The following SNX27 variants were observed in gnomAD, a reference collection of about 807,000 sequenced individuals.
The protein encoded by SNX27 is sorting nexin 27, also known as sorting nexin-27.
SNX27 carries 22 observed loss-of-function variants against 71.6 expected under a neutral mutation model. The observed-to-expected ratio is 0.31, with a 90% CI of 0.22 to 0.44. SNX27 has a LOEUF of 0.44. SNX27 is among the 20% of genes least tolerant of loss of function. The pLI is 1.00. For synonymous variants in SNX27, 269 were observed against 277.2 expected, an observed-to-expected ratio of 0.97 and a Z score of 0.29; for missense variants, 531 against 698.6, an observed-to-expected ratio of 0.76 and a Z score of 2.70.
At chr1:151,641,598 GATATATATATATATATAT>G (rs56886589) in intron 2 of SNX27, among the ~76,000 whole-genome samples, 21 of 79,014 alleles carry the variant, frequency 2.7e-4, no homozygotes, top group African/African-American at 5.8e-4. Flanking sequence ...TCCTTTATCA[GATATATATATATATATAT>G]ATATATATAT....
At chr1:151,688,656 G>GT (rs1373051407) in intron 8 of SNX27, among the ~76,000 whole-genome samples, 1 of 150,156 alleles carries the variant, frequency 6.7e-6, no homozygotes, top group African/African-American at 2.5e-5. Context: ...AAATTCACCT[G>GT]TTTTTACGAA....
At chr1:151,624,676 C>G (rs533530329) in intron 1 of SNX27, among the ~76,000 whole-genome samples, 1 of 151,866 alleles carries the variant, frequency 6.6e-6, no homozygotes, top group South Asian at 2.1e-4. Flanking sequence ...AGGTGATACA[C>G]CTACCTCGGC....
At chr1:151,669,564 A>G (rs1296099395) in intron 7 of SNX27, among the ~76,000 whole-genome samples, 3 of 152,044 alleles carry the variant, frequency 2.0e-5, no homozygotes, top group African/African-American at 4.8e-5. Context: ...CTCTTCCTCT[A>G]TCCCCGTGTG....
intron 7 of SNX27, chr1:151,679,986 G>T (rs1439805114): frequency 6.6e-6 from 1 of 152,048 alleles, no homozygotes; most frequent in Non-Finnish European, 1.5e-5. Context: ...GTGGAATGAC[G>T]CTCTGGGATC....
intron 2 of SNX27, among the ~76,000 whole-genome samples, chr1:151,642,159 G>A (rs868669532): frequency 6.6e-6 from 1 of 151,618 alleles, no homozygotes; most frequent in South Asian, 2.1e-4. Flanking sequence ...ACCTGAGGTC[G>A]GTGGATCACT....
At chr1:151,668,158 C>T (rs1403986998) in intron 6 of SNX27, among the ~76,000 whole-genome samples, 1 of 151,956 alleles carries the variant, frequency 6.6e-6, no homozygotes, top group Non-Finnish European at 1.5e-5. Flanking sequence ...ACATTAGGCC[C>T]CACCTCTAAC....
At position 151,696,719 on chromosome 1, in the gene SNX27, G is replaced by C. The variant is rs1395823255; in HGVS notation, c.*2302G>C. 7.1e-6 allele frequency: 1 copy of C among 140,928 alleles called. No homozygotes were observed. The highest frequency in any genetic ancestry group is 1.5e-5 in the Non-Finnish European group (1 of 66,970). The allele number at this position is 140,928 out of a possible 1,614,324, so 8.7% of individuals were successfully genotyped here. On this transcript the variant is annotated 3_prime_UTR_variant, in exon 12 of 12. Coordinates refer to ENST00000458013, the MANE Select transcript of SNX27 (RefSeq NM_001330723.2). ...GGTTGGAGTGCAGTGGCACGATCTC[G>C]GCTCACTGCACCCTCTGCCTCTTGG...
chr1:151,653,173 G>A (rs780458312), intron 2 of SNX27, among the ~76,000 whole-genome samples: 1 of 152,048 alleles, frequency 6.6e-6, no homozygotes, highest in African/African-American at 2.4e-5. Context: ...GTGATCACCC[G>A]CCTTGGCCTC....
intron 2 of SNX27, among the ~76,000 whole-genome samples, chr1:151,644,640 G>C (rs1164320597): frequency 6.6e-6 from 1 of 152,116 alleles, no homozygotes; most frequent in Non-Finnish European, 1.5e-5. Flanking sequence ...ACCTAGGAAT[G>C]GAACTGCTGG....
intron 7 of SNX27, among the ~76,000 whole-genome samples, chr1:151,671,143 G>A (rs1192269524): frequency 1.3e-5 from 2 of 151,684 alleles, no homozygotes; most frequent in African/African-American, 4.8e-5. Context: ...ATCGGTCTGT[G>A]TGTCTGTTTT....
At chr1:151,639,267 ACT>A in intron 2 of SNX27, 148 bp downstream of exon 2, 1 of 647,386 alleles carries the variant, frequency 1.5e-6, no homozygotes, top group East Asian at 2.8e-5. Flanking sequence ...AATAAAAGAC[ACT>A]GACCCTGATT....
intron 8 of SNX27, among the ~76,000 whole-genome samples, chr1:151,688,199 A>G (rs1205745691): frequency 6.6e-6 from 1 of 152,182 alleles, no homozygotes. Flanking sequence ...TCTCACTGGG[A>G]GACAGGGTGG....
chr1:151,634,411 T>C (rs909276014), intron 1 of SNX27, among the ~76,000 whole-genome samples: 2 of 152,208 alleles, frequency 1.3e-5, no homozygotes, highest in Non-Finnish European at 1.5e-5. Context: ...CTAGTTTTCA[T>C]TGTATATAGC....
chr1:151,690,712 G>A (rs1671400446), intron 8 of SNX27, among the ~76,000 whole-genome samples: 1 of 151,952 alleles, frequency 6.6e-6, no homozygotes, highest in Non-Finnish European at 1.5e-5. Flanking sequence ...CTCCCAAAGT[G>A]TTGGGATTAC....
At chr1:151,649,377 G>A (rs1331876951) in intron 2 of SNX27, among the ~76,000 whole-genome samples, 2 of 152,134 alleles carry the variant, frequency 1.3e-5, no homozygotes, top group East Asian at 3.9e-4. Flanking sequence ...GAGGCCAGGA[G>A]CTTGAGATCA....
At chr1:151,690,451 C>A (rs1671385550) in intron 8 of SNX27, among the ~76,000 whole-genome samples, 1 of 151,570 alleles carries the variant, frequency 6.6e-6, no homozygotes, top group African/African-American at 2.4e-5. Context: ...ATTTTTATTT[C>A]TTGTTTTGAG....
chr1:151,634,773 A>G (rs1485568265), intron 1 of SNX27, among the ~76,000 whole-genome samples: 1 of 152,186 alleles, frequency 6.6e-6, no homozygotes, highest in Non-Finnish European at 1.5e-5. Context: ...AAAGTTTCAA[A>G]CCTACAGAAA....
chr1:151,683,381 A>C lies in SNX27; in HGVS notation c.1175A>C (p.Tyr392Ser). Residue 392 changes from tyrosine to serine, a missense_variant, in exon 8 of 12, where the codon TAC becomes TCC. Physicochemically the swap from Tyr to Ser is moderately radical, Grantham distance 144. Around this residue, in one of 5 missense-constraint regions of SNX27, gnomAD observed 184 missense variants for 289.6 expected, o/e 0.64. Coordinates refer to ENST00000458013, the MANE Select transcript of SNX27 (RefSeq NM_001330723.2). ...GCAGTCGATGATGTGAAGAAAGGTTACATCAAAGCAGAAGAAAAGTCCTAT... is the reference window on the plus strand; with the variant it reads ...GCAGTCGATGATGTGAAGAAAGGTTCCATCAAAGCAGAAGAAAAGTCCTAT... Reference protein sequence around the residue: ...HQAVDDVKKGYIKAEEKSYQL... With the variant: ...HQAVDDVKKGSIKAEEKSYQL... The C allele has an allele frequency of 6.2e-7, 1 of 1,613,450 alleles. No individual in the cohort carries two copies. The highest frequency in any genetic ancestry group is 1.1e-5 in the South Asian group (1 of 90,900).
In SNX27 at chr1:151,640,409, A is replaced by G. The variant is rs564061041; in HGVS notation, c.543+1290A>G. 6.6e-5 allele frequency among the ~76,000 whole-genome samples: 10 copies of G among 152,182 alleles called. No homozygotes were observed. The South Asian group carries it at 2.1e-3, about 32-fold the overall frequency. ...TATATATTTTTTAAGACGAAGTCTC[A>G]CTCTGTCCCCCAGCCTGGGGTACAG... On this transcript the variant is annotated intron_variant, in intron 2 of 11. Transcript: ENST00000458013.
Sources: allele counts gnomAD v4.1 joint callset (sites outside exome capture counted in the v4.1 genomes callset), GRCh38; gene constraint gnomAD v4.1.1; regional missense constraint gnomAD v4.1.1; transcripts MANE v1.5; gene names NCBI Gene and HGNC (gene_info 2026-07-23, HGNC 2026-07-21).